TYR: variants seen among roughly 807,000 people sequenced by gnomAD.
The protein encoded by TYR is tyrosinase, also known as LB24-AB.
In TYR, 58 loss-of-function variants were observed where a neutral mutation model predicts 51.5. The observed-to-expected ratio is 1.13, with a 90% confidence interval of 0.91 to 1.40. The LOEUF is 1.40. TYR is among the 40% of genes most tolerant of loss of function. TYR has a pLI of 0.00. For synonymous variants in TYR, 263 were observed against 235.2 expected (o/e 1.12, Z -1.08); for missense variants, 732 against 647.4 (o/e 1.13, Z -1.42).
In TYR at chr11:89,288,141, C is replaced by T. The variant is rs1944813841; in HGVS notation, c.1366+3187C>T. Among the ~76,000 whole-genome samples the T allele has an allele frequency of 2.6e-5, 4 of 151,862 alleles. No homozygotes were observed. The South Asian group carries it at 8.3e-4, about 31-fold the overall frequency. On this transcript the variant is annotated intron_variant, in intron 4 of 4. Transcript: ENST00000263321. ...GTCTCTTGAGAAGTTGGATACACAG[C>T]CTGAAACTCAAAAGCGGTGTCTGGC... is the stretch of plus-strand genomic sequence containing the variant.
chr11:89,284,641 G>A (rs1241241722), intron 3 of TYR, 132 bp from the exon 4 acceptor site: 1 of 789,908 alleles, frequency 1.3e-6, no homozygotes, highest in African/African-American at 1.8e-5. Context: ...TATTTTTGAA[G>A]TATAAAGAAT....
intron 3 of TYR, among the ~76,000 whole-genome samples, chr11:89,273,597 C>A (rs2135316572): frequency 6.6e-6 from 1 of 151,988 alleles, no homozygotes; most frequent in South Asian, 2.1e-4. Flanking sequence ...CGAACACATG[C>A]TGTTGGAAAA....
At chr11:89,186,887 T>C (rs1008035028) in intron 1 of TYR, among the ~76,000 whole-genome samples, 3 of 152,194 alleles carry the variant, frequency 2.0e-5, no homozygotes, top group Non-Finnish European at 4.4e-5. Context: ...GAGCCATCTC[T>C]TTCTTTGTGT....
intron 3 of TYR, among the ~76,000 whole-genome samples, chr11:89,231,191 A>AG (rs1420965279): frequency 9.0e-6 from 1 of 111,372 alleles, no homozygotes. Context: ...AAAAAAAAAA[A>AG]GGAAGGAATT....
intron 4 of TYR, among the ~76,000 whole-genome samples, chr11:89,287,603 T>C (rs1731947793): frequency 6.6e-6 from 1 of 151,914 alleles, no homozygotes; most frequent in Non-Finnish European, 1.5e-5. Flanking sequence ...GAAGTGATAC[T>C]TCAGATGACA....
intron 2 of TYR, among the ~76,000 whole-genome samples, chr11:89,220,196 A>C (rs1943889588): frequency 6.6e-6 from 1 of 152,288 alleles, no homozygotes; most frequent in South Asian, 2.1e-4. Context: ...TACAGGAAGC[A>C]CAGTGCTGAC....
chr11:89,260,191 T>C (rs1944440103), intron 3 of TYR, among the ~76,000 whole-genome samples: 1 of 151,972 alleles, frequency 6.6e-6, no homozygotes, highest in East Asian at 1.9e-4. Flanking sequence ...TTTTATTACC[T>C]TAGACAAGTC....
At chr11:89,229,322 T>A (rs1159727569) in intron 3 of TYR, among the ~76,000 whole-genome samples, 2 of 151,968 alleles carry the variant, frequency 1.3e-5, no homozygotes, top group Non-Finnish European at 1.5e-5. Flanking sequence ...AATACCAACA[T>A]CACAACCACC....
intron 3 of TYR, among the ~76,000 whole-genome samples, chr11:89,283,118 TACTC>T (rs1565423051): frequency 6.6e-6 from 1 of 151,834 alleles, no homozygotes; most frequent in African/African-American, 2.4e-5. Flanking sequence ...CTACAGTAGA[TACTC>T]AGTAAATATT....
chr11:89,242,852 G>A (rs1416188110), intron 3 of TYR, among the ~76,000 whole-genome samples: 1 of 152,130 alleles, frequency 6.6e-6, no homozygotes, highest in Admixed American at 6.5e-5. Context: ...CATCTAAAAT[G>A]CTCTCTATAA....
intron 1 of TYR, among the ~76,000 whole-genome samples, chr11:89,190,560 A>T (rs1943429329): frequency 6.6e-6 from 1 of 152,184 alleles, no homozygotes; most frequent in African/African-American, 2.4e-5. Context: ...GTTTTAAAAA[A>T]TTAAGTAAAA....
chr11:89,284,263 T>C (rs768035403), intron 3 of TYR, among the ~76,000 whole-genome samples: 6 of 151,792 alleles, frequency 4.0e-5, no homozygotes, highest in Non-Finnish European at 4.4e-5. Context: ...ACCATTGTCA[T>C]TGGAGGTAAG....
At chr11:89,269,042 G>A (rs1944558975) in intron 3 of TYR, among the ~76,000 whole-genome samples, 1 of 151,818 alleles carries the variant, frequency 6.6e-6, no homozygotes, top group African/African-American at 2.4e-5. Context: ...CTTTTTGTAT[G>A]TGTTTATCAC....
chr11:89,223,287 A>G (rs1456135121), intron 2 of TYR, among the ~76,000 whole-genome samples: 1 of 152,182 alleles, frequency 6.6e-6, no homozygotes, highest in African/African-American at 2.4e-5. Flanking sequence ...CTGGATATAT[A>G]TGGGCACTAT....
At chr11:89,179,966 T>C (rs894411635) in intron 1 of TYR, among the ~76,000 whole-genome samples, 3 of 152,198 alleles carry the variant, frequency 2.0e-5, no homozygotes, top group African/African-American at 7.2e-5. Flanking sequence ...GGGAAGAATC[T>C]TGCACTCAAT....
At chr11:89,211,174 G>A (rs1220794827) in intron 2 of TYR, among the ~76,000 whole-genome samples, 1 of 152,046 alleles carries the variant, frequency 6.6e-6, no homozygotes, top group Non-Finnish European at 1.5e-5. Context: ...TGGCAAATTG[G>A]ATAGTCAAGA....
At chr11:89,209,225 C>A (rs1943716976) in intron 2 of TYR, among the ~76,000 whole-genome samples, 1 of 152,208 alleles carries the variant, frequency 6.6e-6, no homozygotes, top group Non-Finnish European at 1.5e-5. Flanking sequence ...AGGAACAGTA[C>A]ACTCTTGCCC....
chr11:89,245,566 T>C (rs561954689), intron 3 of TYR, among the ~76,000 whole-genome samples: 14 of 152,222 alleles, frequency 9.2e-5, no homozygotes, highest in South Asian at 2.1e-4. Flanking sequence ...GCAAAGCAAG[T>C]TGATAAAAAA....
intron 3 of TYR, among the ~76,000 whole-genome samples, chr11:89,270,549 G>A (rs1267827973): frequency 1.3e-5 from 2 of 151,824 alleles, no homozygotes; most frequent in Admixed American, 6.6e-5. Context: ...TGTCCTAACT[G>A]ATGGGGGTTA....
Sources: gnomAD v4.1 joint callset for allele counts (sites outside exome capture counted in the v4.1 genomes callset) on GRCh38, gnomAD v4.1.1 for gene constraint, MANE v1.5 for transcripts, NCBI Gene and HGNC (gene_info 2026-07-23, HGNC 2026-07-21) for gene names.